Variants in MRAP2 observed in about 807,000 individuals in gnomAD.
MRAP2 encodes the protein melanocortin-2 receptor accessory protein 2.
Under a neutral mutation model 17.4 loss-of-function variants are expected in MRAP2, and 20 were observed. The observed-to-expected ratio is 1.15, with a 90% CI of 0.81 to 1.67. The LOEUF (loss-of-function observed/expected upper bound fraction) is 1.67. MRAP2 is among the 40% of genes most tolerant of loss of function. The pLI is 0.00. For synonymous variants in MRAP2, 96 were observed against 88.4 expected (o/e 1.09, Z -0.48); for missense variants, 238 against 240.0 (o/e 0.99, Z 0.05).
In MRAP2 at chr6:84,089,488, T is replaced by C; in HGVS notation, c.*7T>C. 1 of 1,609,176 alleles carries C rather than the reference T, an allele frequency of 6.2e-7. No homozygotes were observed. The highest frequency in any genetic ancestry group is 8.5e-7 in the Non-Finnish European group (1 of 1,177,362). On this transcript the variant is annotated 3_prime_UTR_variant, in exon 4 of 4. Coordinates refer to ENST00000257776, the MANE Select transcript of MRAP2 (RefSeq NM_138409.4). ...ACACAAAGACCTGGATTGAGAAACATGCTCTGTAAAGGGTCTTCCTGAAGA... is the reference window on the plus strand; with the variant it reads ...ACACAAAGACCTGGATTGAGAAACACGCTCTGTAAAGGGTCTTCCTGAAGA...
At chr6:84,050,074 A>G (rs1423502705) in intron 1 of MRAP2, among the ~76,000 whole-genome samples, 1 of 152,174 alleles carries the variant, frequency 6.6e-6, no homozygotes, top group Non-Finnish European at 1.5e-5. Flanking sequence ...TACTCGAGTC[A>G]AAATAGTCGT....
At chr6:84,106,812 G>T in the MRAP2 span, among the ~76,000 whole-genome samples, 1 of 152,256 alleles carries the variant, frequency 6.6e-6, no homozygotes, top group African/African-American at 2.4e-5. Context: ...ATGGAGTGCT[G>T]CTGTGCATGC....
At chr6:84,115,007 G>A in the MRAP2 span, among the ~76,000 whole-genome samples, 1 of 152,184 alleles carries the variant, frequency 6.6e-6, no homozygotes, top group South Asian at 2.1e-4. Flanking sequence ...TGAGGTGTCT[G>A]TTGACCCCTG....
chr6:84,066,751 A>G (rs1163597972), intron 3 of MRAP2, among the ~76,000 whole-genome samples: 1 of 152,200 alleles, frequency 6.6e-6, no homozygotes, highest in Non-Finnish European at 1.5e-5. Flanking sequence ...TAAAGAAAAA[A>G]TGTAGAGTCA....
chr6:84,082,623 C>G (rs2099499295), intron 3 of MRAP2, among the ~76,000 whole-genome samples: 1 of 152,094 alleles, frequency 6.6e-6, no homozygotes, highest in African/African-American at 2.4e-5. Flanking sequence ...TCCTGCTTAC[C>G]AGTAGAGAAG....
chr6:84,107,860 G>A, the MRAP2 span, among the ~76,000 whole-genome samples: 3 of 152,216 alleles, frequency 2.0e-5, no homozygotes, highest in Non-Finnish European at 2.9e-5. Flanking sequence ...ACCACATGTG[G>A]TACAGTAGCT....
At chr6:84,119,842 C>A in the MRAP2 span, among the ~76,000 whole-genome samples, 8 of 152,158 alleles carry the variant, frequency 5.3e-5, no homozygotes, top group Non-Finnish European at 7.4e-5. Context: ...GATTAGAAAG[C>A]AAATTCTAGA....
intron 3 of MRAP2, among the ~76,000 whole-genome samples, chr6:84,064,534 C>T (rs1355724182): frequency 6.6e-6 from 1 of 152,098 alleles, no homozygotes; most frequent in Non-Finnish European, 1.5e-5. Flanking sequence ...GTCACCCAGG[C>T]TGGAGTGCAG....
downstream of MRAP2, among the ~76,000 whole-genome samples, chr6:84,093,907 A>T (rs1373922041): frequency 6.6e-6 from 1 of 152,122 alleles, no homozygotes; most frequent in Non-Finnish European, 1.5e-5. Flanking sequence ...TCTTTTGCTG[A>T]TTGGCTGGAA....
the MRAP2 span, among the ~76,000 whole-genome samples, chr6:84,121,907 A>C: frequency 6.6e-6 from 1 of 152,016 alleles, no homozygotes; most frequent in African/African-American, 2.4e-5. Flanking sequence ...CAACAAACTG[A>C]GTTCAAATCT....
At chr6:84,053,448 A>G (rs2099490947) in intron 1 of MRAP2, among the ~76,000 whole-genome samples, 1 of 152,164 alleles carries the variant, frequency 6.6e-6, no homozygotes, top group Non-Finnish European at 1.5e-5. Flanking sequence ...AATGCCTTTA[A>G]GTAATTTTTT....
intron 1 of MRAP2, among the ~76,000 whole-genome samples, chr6:84,034,390 A>G (rs1400818793): frequency 1.3e-5 from 2 of 152,040 alleles, no homozygotes; most frequent in African/African-American, 4.8e-5. Context: ...ACAGTTGCTC[A>G]TTCATTTTGT....
intron 3 of MRAP2, among the ~76,000 whole-genome samples, chr6:84,067,029 C>T (rs1464137055): frequency 6.6e-6 from 1 of 152,112 alleles, no homozygotes; most frequent in African/African-American, 2.4e-5. Flanking sequence ...CTTTCTCCCT[C>T]ACCCCCTCCT....
At chr6:84,052,038 G>A (rs1168780301) in intron 1 of MRAP2, among the ~76,000 whole-genome samples, 2 of 152,240 alleles carry the variant, frequency 1.3e-5, no homozygotes, top group East Asian at 1.9e-4. Context: ...TTTGTTGGCA[G>A]TGATGCTTTC....
At chr6:84,063,554 CT>C (rs1397129736) in intron 3 of MRAP2, among the ~76,000 whole-genome samples, 1 of 152,080 alleles carries the variant, frequency 6.6e-6, no homozygotes, top group African/African-American at 2.4e-5. Context: ...TGATGCTGGA[CT>C]TTGGATTGAT....
chr6:84,135,452 A>G, the MRAP2 span, among the ~76,000 whole-genome samples: 1 of 145,714 alleles, frequency 6.9e-6, no homozygotes, highest in East Asian at 1.9e-4. Flanking sequence ...GCCCAGAGAC[A>G]GACTGCTTCC....
At chr6:84,095,976 A>G in the MRAP2 span, among the ~76,000 whole-genome samples, 1 of 152,220 alleles carries the variant, frequency 6.6e-6, no homozygotes, top group Non-Finnish European at 1.5e-5. Flanking sequence ...TCTCCAGAGA[A>G]ATACGCCTGC....
downstream of MRAP2, among the ~76,000 whole-genome samples, chr6:84,091,160 AT>A (rs11354492): frequency 0.2 from 30,154 of 151,132 alleles, 6,178 homozygotes; most frequent in African/African-American, 0.53. Context: ...ACTTTAACAT[AT>A]TTTTTATAAA....
At chr6:84,138,162 C>T in the MRAP2 span, among the ~76,000 whole-genome samples, 13 of 152,128 alleles carry the variant, frequency 8.5e-5, no homozygotes, top group Admixed American at 3.3e-4. Context: ...TCATCTGTGG[C>T]GATGTATAGT....
Sources: gnomAD v4.1 joint callset for allele counts (sites outside exome capture counted in the v4.1 genomes callset) on GRCh38, gnomAD v4.1.1 for gene constraint, MANE v1.5 for transcripts, NCBI Gene and HGNC (gene_info 2026-07-23, HGNC 2026-07-21) for gene names.